CNTNAP2: variants seen among roughly 807,000 people sequenced by gnomAD.
CNTNAP2 encodes contactin-associated protein-like 2.
Under a neutral mutation model 155.2 loss-of-function variants are expected in CNTNAP2, and 98 were observed. That is an observed-to-expected ratio of 0.63 (90% confidence interval 0.54 to 0.75). CNTNAP2 has a LOEUF of 0.75. CNTNAP2 is among the 30% of genes least tolerant of loss of function. The pLI is 0.00. For missense variants in CNTNAP2, 1,727 were observed against 1,688.1 expected, an observed-to-expected ratio of 1.02 and a Z score of -0.40; for synonymous variants, 651 against 631.2, an observed-to-expected ratio of 1.03 and a Z score of -0.47.
chr7:147,832,163 T>A (rs1336659798), intron 13 of CNTNAP2, among the ~76,000 whole-genome samples: 3 of 77,022 alleles, frequency 3.9e-5, no homozygotes, highest in African/African-American at 5.4e-5. Context: ...ATAATTTAAT[T>A]ATATAAACAT....
At chr7:146,624,434 T>C (rs1199667296) in intron 1 of CNTNAP2, among the ~76,000 whole-genome samples, 1 of 151,464 alleles carries the variant, frequency 6.6e-6, no homozygotes, top group Non-Finnish European at 1.5e-5. Flanking sequence ...TTGGTGTCTG[T>C]TATTTTTATT....
chr7:147,775,331 ATT>A (rs1196787750), intron 13 of CNTNAP2, among the ~76,000 whole-genome samples: 8 of 51,086 alleles, frequency 1.6e-4, no homozygotes, highest in African/African-American at 4.3e-4. Context: ...ATTTATATAT[ATT>A]TATAAATATA....
intron 1 of CNTNAP2, among the ~76,000 whole-genome samples, chr7:146,755,996 T>C (rs762873452): frequency 2.5e-4 from 38 of 151,974 alleles, no homozygotes; most frequent in Non-Finnish European, 5.2e-4. Flanking sequence ...GAAGGAATTT[T>C]CTAGGCTTCA....
chr7:147,352,393 A>G (rs1167292343), intron 9 of CNTNAP2, among the ~76,000 whole-genome samples: 1 of 151,954 alleles, frequency 6.6e-6, no homozygotes, highest in Non-Finnish European at 1.5e-5. Flanking sequence ...TTTAATTAAC[A>G]GTTCTTGTTA....
At chr7:147,190,393 T>G (rs578005050) in intron 8 of CNTNAP2, among the ~76,000 whole-genome samples, 1 of 152,314 alleles carries the variant, frequency 6.6e-6, no homozygotes, top group African/African-American at 2.4e-5. Context: ...AGAGAAATAT[T>G]AACATTATTT....
chr7:148,289,213 T>G (rs913789930), intron 21 of CNTNAP2, among the ~76,000 whole-genome samples: 1 of 151,996 alleles, frequency 6.6e-6, no homozygotes, highest in Non-Finnish European at 1.5e-5. Flanking sequence ...CGGGCCATAG[T>G]GGGAGGATTT....
rs186571088 is a variant in CNTNAP2 at position 146,200,509 on chromosome 7, T to C, written c.97+83536T>C. On this transcript the variant is annotated intron_variant, in intron 1 of 23. Transcript: ENST00000361727. ...CTCCGTCTAAACATATATATATATATACACACACACAGACACACACACACA... is the reference window on the plus strand; with the variant it reads ...CTCCGTCTAAACATATATATATATACACACACACACAGACACACACACACA... Among the ~76,000 whole-genome samples the C allele has an allele frequency of 1.3e-4, 14 of 110,730 alleles. No individual in the cohort carries two copies. The South Asian group carries it at 2.6e-3, about 20-fold the overall frequency. 72.6% of individuals were successfully genotyped at this position (110,730 alleles called of 152,430 possible).
chr7:147,192,500 C>T lies in CNTNAP2; in HGVS notation c.1348+59991C>T, dbSNP rs150821503. ...GCAAATTATCTGGCCCCACTGCAAA[C>T]CTACTGCATCACAAACTCTGGGGTA... On this transcript the variant is annotated intron_variant, in intron 8 of 23. Transcript: ENST00000361727. Among the ~76,000 whole-genome samples the T allele has an allele frequency of 2.4e-3, 360 of 152,240 alleles. 1 individual carries two copies. The highest frequency in any genetic ancestry group is 3.6e-3 in the Non-Finnish European group (243 of 68,008).
At chr7:146,755,115 A>T (rs1026617661) in intron 1 of CNTNAP2, among the ~76,000 whole-genome samples, 7 of 151,966 alleles carry the variant, frequency 4.6e-5, no homozygotes, top group African/African-American at 1.7e-4. Context: ...TAGGGTATAT[A>T]CTAGTTGAGG....
At chr7:148,277,586 A>ACCCCCCCCCCCC (rs147409823) in intron 21 of CNTNAP2, among the ~76,000 whole-genome samples, 2 of 140,076 alleles carry the variant, frequency 1.4e-5, no homozygotes, top group Admixed American at 7.3e-5. Flanking sequence ...TTAGTACAGG[A>ACCCCCCCCCCCC]CCGCCCCCCA....
intron 3 of CNTNAP2, among the ~76,000 whole-genome samples, chr7:146,841,200 G>A (rs58159845): frequency 1.3e-5 from 2 of 152,112 alleles, no homozygotes; most frequent in African/African-American, 4.8e-5. Flanking sequence ...CGATGGTGAT[G>A]CTAATGTACA....
intron 1 of CNTNAP2, among the ~76,000 whole-genome samples, chr7:146,566,006 C>T (rs777122226): frequency 7.2e-5 from 11 of 152,174 alleles, no homozygotes; most frequent in African/African-American, 1.9e-4. Context: ...GCATATTCAC[C>T]GGCAGATCAC....
intron 2 of CNTNAP2, among the ~76,000 whole-genome samples, chr7:146,816,994 G>T (rs1803183474): frequency 6.6e-6 from 1 of 151,972 alleles, no homozygotes; most frequent in South Asian, 2.1e-4. Flanking sequence ...AAACAAACTT[G>T]GAAAATACCA....
chr7:148,283,462 T>C (rs1352319044), intron 21 of CNTNAP2, among the ~76,000 whole-genome samples: 1 of 152,166 alleles, frequency 6.6e-6, no homozygotes, highest in African/African-American at 2.4e-5. Flanking sequence ...CTCTAAAATT[T>C]ATTTAGAACC....
intron 12 of CNTNAP2, among the ~76,000 whole-genome samples, chr7:147,633,874 T>TTC (rs1795131528): frequency 6.6e-6 from 1 of 152,200 alleles, no homozygotes; most frequent in Non-Finnish European, 1.5e-5. Flanking sequence ...CAGTCTTAGG[T>TTC]ATTTATTCAT....
intron 9 of CNTNAP2, among the ~76,000 whole-genome samples, chr7:147,357,658 C>T (rs1488011165): frequency 1.3e-5 from 2 of 152,098 alleles, no homozygotes; most frequent in Admixed American, 1.3e-4. Flanking sequence ...CTCTCCTGGA[C>T]ACGAGTCTTG....
At chr7:146,391,140 T>A (rs1487305029) in intron 1 of CNTNAP2, among the ~76,000 whole-genome samples, 2 of 147,962 alleles carry the variant, frequency 1.4e-5, no homozygotes, top group Non-Finnish European at 1.5e-5. Flanking sequence ...ATTATATATT[T>A]TATATATATA....
At chr7:147,865,022 C>T (rs1269774822) in intron 13 of CNTNAP2, among the ~76,000 whole-genome samples, 1 of 152,132 alleles carries the variant, frequency 6.6e-6, no homozygotes, top group Non-Finnish European at 1.5e-5. Context: ...AAAGGGAATG[C>T]TTCCAGTTTT....
chr7:148,090,782 G>A (rs1246332270), intron 15 of CNTNAP2, among the ~76,000 whole-genome samples: 1 of 152,070 alleles, frequency 6.6e-6, no homozygotes, highest in Non-Finnish European at 1.5e-5. Flanking sequence ...GTATGTAGAA[G>A]AGATAAGTGC....
Sources: allele counts gnomAD v4.1 joint callset (sites outside exome capture counted in the v4.1 genomes callset), GRCh38; gene constraint gnomAD v4.1.1; transcripts MANE v1.5; gene names NCBI Gene and HGNC (gene_info 2026-07-23, HGNC 2026-07-21).